ZER1: variants seen among roughly 807,000 people sequenced by gnomAD.
ZER1 encodes the protein protein zer-1 homolog.
ZER1 carries 11 observed loss-of-function variants against 78.8 expected under a neutral mutation model. That is an observed-to-expected ratio of 0.14 (90% CI 0.09 to 0.23). ZER1 has a LOEUF of 0.23. ZER1 is among the 10% of genes least tolerant of loss of function. ZER1 has a pLI of 1.00. For synonymous variants in ZER1, 400 were observed against 407.0 expected, an observed-to-expected ratio of 0.98 and a Z score of 0.21; for missense variants, 588 against 996.9, an observed-to-expected ratio of 0.59 and a Z score of 5.52.
rs1678712968 is a variant in ZER1 at position 128,754,036 on chromosome 9, C to T, written c.159-77G>A. On this transcript the variant is annotated intron_variant, in intron 2 of 15. Coordinates refer to ENST00000291900, the MANE Select transcript of ZER1 (RefSeq NM_006336.4). This position sits in a 1 kb window ranked among gnomAD's most constrained non-coding sequence, Gnocchi z 4.3. ...TCGCTTCAAAGCCAAGCCCTCCTCCCCCTGAAGCTTTCTTGGATCACCCCA... is the reference window on the plus strand; with the variant it reads ...TCGCTTCAAAGCCAAGCCCTCCTCCTCCTGAAGCTTTCTTGGATCACCCCA... 3.3e-6 allele frequency: 5 copies of T among 1,511,048 alleles called. No homozygotes were observed. In the Admixed American group the frequency reaches 1.1e-4, roughly 32 times the overall value. 93.6% of individuals were successfully genotyped at this position (1,511,048 alleles called of 1,614,324 possible).
chr9:128,753,182 A>G lies in ZER1; in HGVS notation c.728T>C (p.Val243Ala). 6.4e-7 allele frequency: 1 copy of G among 1,551,776 alleles called. No homozygotes were observed. The highest frequency in any genetic ancestry group is 1.2e-5 in the South Asian group (1 of 84,630). ...AGCTCACCGCAGCTTGTGCAGCTGC[A>G]CGATGACCCGGATGTGGTCGTCGGA... ...DLSDDHIRVI[V>A]QLHKLRHLDI... Residue 243 changes from valine to alanine, a missense_variant, in exon 4 of 16, where the codon GTG becomes GCG. By Grantham distance (64) the Val-to-Ala change is moderately conservative. Transcript: ENST00000291900. The surrounding 1 kb of genome is among the most constrained non-coding windows in gnomAD (Gnocchi z 7.5).
rs760706731 is a variant in ZER1 at position 128,744,785 on chromosome 9, C to T, written c.1360-2040G>A. 5.9e-5 allele frequency among the ~76,000 whole-genome samples: 9 copies of T among 152,124 alleles called. No individual in the cohort carries two copies. The South Asian group carries it at 6.2e-4, about 11-fold the overall frequency. The stretch of plus-strand genomic sequence containing the variant: ...TGAGCCACCATGCCTGGCTGGCCCC[C>T]GCTTTTTATAGAGATATTCTATAGG... On this transcript the variant is annotated intron_variant, in intron 8 of 15. Transcript: ENST00000291900.
chr9:128,752,652 C>T, intron 5 of ZER1, 21 bp downstream of exon 5: 3 of 1,601,196 alleles, frequency 1.9e-6, no homozygotes, highest in Admixed American at 1.7e-5. Context: ...CTACCAGTAG[C>T]CATGGAGGCT....
rs376679835 is a variant in ZER1 at position 128,740,375 on chromosome 9, C to T, written c.1854-256G>A. 4.6e-5 allele frequency among the ~76,000 whole-genome samples: 7 copies of T among 152,038 alleles called. No homozygotes were observed. Among genetic ancestry groups the T allele is most frequent in the South Asian group, 2.1e-4 (1 of 4,816 alleles). Reference sequence around the variant, plus strand: ...CAGGTGGATCACGAGGTCCGGAGATCGAGACCATCCTGGCTAACATGGTGA... The same window carrying T: ...CAGGTGGATCACGAGGTCCGGAGATTGAGACCATCCTGGCTAACATGGTGA... On this transcript the variant is annotated intron_variant, in intron 12 of 15. Transcript: ENST00000291900. The surrounding 1 kb of genome is among the most constrained non-coding windows in gnomAD (Gnocchi z 4.4).
At position 128,731,270 on chromosome 9, in the gene ZER1, G is replaced by A; in HGVS notation, c.*67C>T. 6.5e-7 allele frequency: 1 copy of A among 1,549,860 alleles called. No homozygotes were observed. The highest frequency in any genetic ancestry group is 8.8e-7 in the Non-Finnish European group (1 of 1,130,944). On this transcript the variant is annotated 3_prime_UTR_variant, in exon 16 of 16. Transcript: ENST00000291900. ...TCCCTCGGAAGGGGCCCGCCCGCTG[G>A]GCTGCTTGAGCATGCTTCCTCCCCG...
rs1408757019 is a variant in ZER1 at position 128,755,271 on chromosome 9, AC to A, written c.158+136del. 2.4e-6 allele frequency: 3 copies of A among 1,255,858 alleles called. No individual in the cohort carries two copies. Among genetic ancestry groups the A allele is most frequent in the Non-Finnish European group, 1.1e-6 (1 of 882,052 alleles). The allele number at this position is 1,255,858 out of a possible 1,614,324, so 77.8% of individuals were successfully genotyped here. On this transcript the variant is annotated intron_variant, in intron 2 of 15. Transcript: ENST00000291900. The surrounding 1 kb of genome is among the most constrained non-coding windows in gnomAD (Gnocchi z 5.6). ...CACCACTATTCTCTTGCAGCCATGA[AC>A]ATCCATGTGCACACACACACACCCT...
chr9:128,741,348 G>A (rs1221232781), intron 11 of ZER1, among the ~76,000 whole-genome samples, 187 bp downstream of exon 11: 2 of 152,178 alleles, frequency 1.3e-5, no homozygotes, highest in Admixed American at 6.5e-5. Flanking sequence ...GCCCCACCAG[G>A]CCATCTGGGT....
At chr9:128,744,611 T>C (rs972223087) in intron 8 of ZER1, among the ~76,000 whole-genome samples, 3 of 152,022 alleles carry the variant, frequency 2.0e-5, no homozygotes, top group Non-Finnish European at 4.4e-5. Flanking sequence ...CCCAAGTAGC[T>C]GCGATTACAG....
intron 8 of ZER1, among the ~76,000 whole-genome samples, chr9:128,747,324 A>C (rs1472900807): frequency 6.6e-6 from 1 of 152,224 alleles, no homozygotes; most frequent in Admixed American, 6.5e-5. Flanking sequence ...GAGAGAGCAA[A>C]AGATGAAACA....
At chr9:128,731,467 T>C in intron 15 of ZER1, 73 bp from the exon 16 acceptor site, 1 of 1,292,450 alleles carries the variant, frequency 7.7e-7, no homozygotes, top group Non-Finnish European at 1.1e-6. Flanking sequence ...CCGAGATCAT[T>C]AGGCAGCTGG....
intron 13 of ZER1, among the ~76,000 whole-genome samples, chr9:128,737,524 T>C (rs1222623537): frequency 6.6e-6 from 1 of 152,160 alleles, no homozygotes; most frequent in African/African-American, 2.4e-5. Flanking sequence ...CGTCCTAAAA[T>C]GACGAGGGAG....
At chr9:128,749,584 G>C (rs1409127694) in intron 8 of ZER1, among the ~76,000 whole-genome samples, 1 of 152,012 alleles carries the variant, frequency 6.6e-6, no homozygotes, top group Non-Finnish European at 1.5e-5. Flanking sequence ...ACACCAGACT[G>C]ACCAACATGG....
chr9:128,753,190 C>A lies in ZER1; in HGVS notation c.720G>T (p.Arg240=). ...YNMDLSDDHI[R]VIVQLHKLRH... The stretch of plus-strand genomic sequence containing the variant: ...GCAGCTTGTGCAGCTGCACGATGAC[C>A]CGGATGTGGTCGTCGGACAGGTCCA... The change falls in exon 4 of 16, where the codon CGG becomes CGT. Residue 240 remains arginine, a synonymous_variant. Transcript: ENST00000291900. This position sits in a 1 kb window ranked among gnomAD's most constrained non-coding sequence, Gnocchi z 7.5. 6.4e-7 allele frequency: 1 copy of A among 1,561,030 alleles called. No individual in the cohort carries two copies. Among genetic ancestry groups the A allele is most frequent in the Non-Finnish European group, 8.7e-7 (1 of 1,152,374 alleles).
intron 1 of ZER1, among the ~76,000 whole-genome samples, chr9:128,756,828 A>C (rs766739244): frequency 2.8e-4 from 43 of 152,192 alleles, no homozygotes; most frequent in Admixed American, 3.3e-4. Flanking sequence ...CTATGAATAT[A>C]CTAAAAATCA....
chr9:128,763,746 G>T (rs1489365479), intron 1 of ZER1, among the ~76,000 whole-genome samples: 1 of 152,184 alleles, frequency 6.6e-6, no homozygotes, highest in Non-Finnish European at 1.5e-5. Context: ...CCAAAACTTT[G>T]GGAGACTGAG....
rs1320123068 is a variant in ZER1, at chr9:128,730,353, G to C, written c.*984C>G. ...GGCTGTGTGGCCGTTGTGGGTCAAAGGCTGTCATGGGACCTCTGCCTCTGA... is the reference window on the plus strand; with the variant it reads ...GGCTGTGTGGCCGTTGTGGGTCAAACGCTGTCATGGGACCTCTGCCTCTGA... On this transcript the variant is annotated 3_prime_UTR_variant, in exon 16 of 16. Transcript: ENST00000291900. The C allele has an allele frequency of 1.3e-5, 2 of 153,614 alleles. No individual in the cohort carries two copies. The highest frequency in any genetic ancestry group is 2.9e-5 in the Non-Finnish European group (2 of 68,786). 9.5% of individuals were successfully genotyped at this position (153,614 alleles called of 1,614,324 possible).
intron 1 of ZER1, among the ~76,000 whole-genome samples, chr9:128,770,036 C>A (rs1213966734): frequency 6.6e-6 from 1 of 152,146 alleles, no homozygotes; most frequent in African/African-American, 2.4e-5. Flanking sequence ...GTCTTCCCCA[C>A]CTTTTTCTGG....
At chr9:128,757,292 G>A (rs563330156) in intron 1 of ZER1, among the ~76,000 whole-genome samples, 9 of 152,264 alleles carry the variant, frequency 5.9e-5, no homozygotes, top group Admixed American at 2.6e-4. Flanking sequence ...CCAGAGGTGG[G>A]CAAATTGCTT....
chr9:128,761,749 C>A (rs746052989), intron 1 of ZER1, among the ~76,000 whole-genome samples: 1 of 151,654 alleles, frequency 6.6e-6, no homozygotes, highest in Non-Finnish European at 1.5e-5. Flanking sequence ...GGACTACAGG[C>A]GCCTGCGACC....
Sources: gnomAD v4.1 joint callset for allele counts (sites outside exome capture counted in the v4.1 genomes callset) on GRCh38, gnomAD v4.1.1 for gene constraint, Gnocchi (gnomAD v3.1) non-coding constraint, MANE v1.5 for transcripts, NCBI Gene and HGNC (gene_info 2026-07-23, HGNC 2026-07-21) for gene names.